The following ZC3H3 variants were observed in gnomAD, a reference collection of about 807,000 sequenced individuals.
ZC3H3 encodes zinc finger CCCH-type containing 3, also known as zinc finger CCCH domain-containing protein 3.
In ZC3H3, 36 loss-of-function variants were observed where a neutral mutation model predicts 77.3. The observed-to-expected ratio is 0.47, with a 90% CI of 0.36 to 0.61. The LOEUF (loss-of-function observed/expected upper bound fraction) is 0.61, where lower values mean the gene tolerates loss of function less well. ZC3H3 is among the 20% of genes least tolerant of loss of function. ZC3H3 has a pLI of 0.00. For synonymous variants in ZC3H3, 626 were observed against 555.2 expected (o/e 1.13, Z -1.79); for missense variants, 1,331 against 1,312.2 (o/e 1.01, Z -0.22).
At chr8:143,451,643 G>A (rs1219335371) in intron 9 of ZC3H3, among the ~76,000 whole-genome samples, 1 of 152,032 alleles carries the variant, frequency 6.6e-6, no homozygotes, top group African/African-American at 2.4e-5. Flanking sequence ...AATTAGCCTT[G>A]CATGGTGGTG....
At chr8:143,509,916 G>A (rs1039418235) in intron 3 of ZC3H3, among the ~76,000 whole-genome samples, 7 of 152,198 alleles carry the variant, frequency 4.6e-5, no homozygotes, top group Middle Eastern at 3.4e-3. Context: ...ACCAGAGCTC[G>A]CCCTCCCTCC....
chr8:143,475,884 C>T (rs958058015), intron 4 of ZC3H3, among the ~76,000 whole-genome samples: 5 of 152,170 alleles, frequency 3.3e-5, no homozygotes, highest in Non-Finnish European at 5.9e-5. Context: ...GGAACTCATG[C>T]GCCCCTAGAA....
At chr8:143,499,399 C>T (rs1472693274) in intron 4 of ZC3H3, among the ~76,000 whole-genome samples, 1 of 152,088 alleles carries the variant, frequency 6.6e-6, no homozygotes, top group South Asian at 2.1e-4. Flanking sequence ...CAGGGCTCCC[C>T]GCCCCCTCTG....
intron 5 of ZC3H3, among the ~76,000 whole-genome samples, chr8:143,474,202 G>C (rs1167595945): frequency 1.3e-5 from 2 of 152,272 alleles, no homozygotes; most frequent in African/African-American, 4.8e-5. Context: ...ACACACAGGG[G>C]TGACACAGTG....
At chr8:143,451,254 G>A (rs752148577) in intron 9 of ZC3H3, among the ~76,000 whole-genome samples, 1 of 152,132 alleles carries the variant, frequency 6.6e-6, no homozygotes, top group Non-Finnish European at 1.5e-5. Flanking sequence ...AGCAATGACA[G>A]AAGTCAATGA....
At chr8:143,483,396 C>G (rs1820961713) in intron 4 of ZC3H3, among the ~76,000 whole-genome samples, 1 of 152,328 alleles carries the variant, frequency 6.6e-6, no homozygotes. Context: ...CTACATGGGG[C>G]CCTTGGCTGG....
chr8:143,505,419 G>A (rs542333578), intron 4 of ZC3H3, among the ~76,000 whole-genome samples: 1 of 152,340 alleles, frequency 6.6e-6, no homozygotes, highest in East Asian at 1.9e-4. Flanking sequence ...CCGAGCCCAG[G>A]CACGCAAACA....
intron 9 of ZC3H3, among the ~76,000 whole-genome samples, chr8:143,446,507 C>T (rs1266050250): frequency 2.0e-5 from 3 of 152,124 alleles, no homozygotes; most frequent in African/African-American, 7.2e-5. Flanking sequence ...ACACCCTCAC[C>T]CTCACCAAAA....
In ZC3H3 at chr8:143,460,966, G is replaced by A. The variant is rs1037843358; in HGVS notation, c.2307+4751C>T. Among the ~76,000 whole-genome samples, 1 of 152,194 alleles carries A rather than the reference G, an allele frequency of 6.6e-6. No homozygotes were observed. Among genetic ancestry groups the A allele is most frequent in the African/African-American group, 2.4e-5 (1 of 41,440 alleles). ...ACTAGGGTTTGGGAAGCGGGGAGTGGAGAGTCATTGCTGAATACTCAGTGT... is the reference window on the plus strand; with the variant it reads ...ACTAGGGTTTGGGAAGCGGGGAGTGAAGAGTCATTGCTGAATACTCAGTGT... On this transcript the variant is annotated intron_variant, in intron 9 of 11. Coordinates refer to ENST00000262577, the MANE Select transcript of ZC3H3 (RefSeq NM_015117.3). The surrounding 1 kb of genome is among the most constrained non-coding windows in gnomAD (Gnocchi z 4.0).
chr8:143,441,038 T>C lies in ZC3H3; in HGVS notation c.2390A>G (p.His797Arg). 6.7e-7 allele frequency: 1 copy of C among 1,486,214 alleles called. No individual in the cohort carries two copies. 92.1% of individuals were successfully genotyped at this position (1,486,214 alleles called of 1,614,324 possible). A position where few individuals can be genotyped will look rare whatever the true frequency, so the allele number is the denominator to read the frequency against. Residue 797 changes from histidine to arginine, a missense_variant, in exon 10 of 12, where the codon CAC becomes CGC. Physicochemically the swap from His to Arg is conservative, Grantham distance 29 (BLOSUM62 0). Coordinates refer to ENST00000262577, the MANE Select transcript of ZC3H3 (RefSeq NM_015117.3). ...CCGACTGTGGCGTTTCTGGGTACGG[T>C]GGAGCAGCTGGCACTGGGCGCCGCG... ...CPRGAQCQLL[H>R]RTQKRHSRRA... is the part of the protein sequence containing the mutation.
rs950301331 is a variant in ZC3H3, at chr8:143,462,281, G to A, written c.2307+3436C>T. 2.6e-5 allele frequency among the ~76,000 whole-genome samples: 4 copies of A among 152,184 alleles called. No homozygotes were observed. Among genetic ancestry groups the A allele is most frequent in the Admixed American group, 6.5e-5 (1 of 15,290 alleles). ...AGGAAGTAACCGTGCAGGGACAAGC[G>A]ACACCCACAGCTGCCTCTTGAGCCA... is the stretch of plus-strand genomic sequence containing the variant. On this transcript the variant is annotated intron_variant, in intron 9 of 11. Coordinates refer to ENST00000262577, the MANE Select transcript of ZC3H3 (RefSeq NM_015117.3). The surrounding 1 kb of genome is among the most constrained non-coding windows in gnomAD (Gnocchi z 4.7).
intron 8 of ZC3H3, among the ~76,000 whole-genome samples, chr8:143,467,362 C>T (rs540587477): frequency 1.3e-5 from 2 of 152,312 alleles, no homozygotes; most frequent in East Asian, 3.9e-4. Context: ...TGGTGCGGGG[C>T]GTCCACATTA....
At chr8:143,441,830 G>A (rs899059857) in intron 9 of ZC3H3, among the ~76,000 whole-genome samples, 3 of 152,166 alleles carry the variant, frequency 2.0e-5, no homozygotes, top group Admixed American at 6.5e-5. Flanking sequence ...CAGCCCAGCT[G>A]CCTGCCTGCC....
chr8:143,498,334 C>T (rs1421124074), intron 4 of ZC3H3, among the ~76,000 whole-genome samples: 1 of 152,232 alleles, frequency 6.6e-6, no homozygotes, highest in Non-Finnish European at 1.5e-5. Context: ...GCTGAGCCTT[C>T]CTGCCCTTCT....
Position 143,473,132 on chromosome 8 carries a change from C to T in ZC3H3, c.1903+2266G>A, listed in dbSNP as rs114967615. ...TAATTATCAACCTCAGTCAGTACTACTATCGTGACTACCGGGAGCTTTCTG... is the reference window on the plus strand; with the variant it reads ...TAATTATCAACCTCAGTCAGTACTATTATCGTGACTACCGGGAGCTTTCTG... On this transcript the variant is annotated intron_variant, in intron 5 of 11. Coordinates refer to ENST00000262577, the MANE Select transcript of ZC3H3 (RefSeq NM_015117.3). Among the ~76,000 whole-genome samples the T allele has an allele frequency of 8.5e-3, 1,299 of 152,320 alleles. 16 individuals carry two copies. The highest frequency in any genetic ancestry group is 0.029 in the African/African-American group (1,222 of 41,564).
intron 9 of ZC3H3, among the ~76,000 whole-genome samples, chr8:143,444,984 A>T (rs1819830813): frequency 6.6e-6 from 1 of 152,232 alleles, no homozygotes; most frequent in Non-Finnish European, 1.5e-5. Context: ...CTGGAGATAA[A>T]ATCTATATAA....
chr8:143,472,485 C>G (rs1820596288), intron 5 of ZC3H3, among the ~76,000 whole-genome samples: 1 of 152,218 alleles, frequency 6.6e-6, no homozygotes, highest in South Asian at 2.1e-4. Flanking sequence ...TGTGCAGCCC[C>G]TCCCTCTCCT....
intron 5 of ZC3H3, among the ~76,000 whole-genome samples, chr8:143,474,504 C>G (rs2129902650): frequency 6.6e-6 from 1 of 152,334 alleles, no homozygotes; most frequent in East Asian, 1.9e-4. Context: ...CCCCTGGAGC[C>G]CAGAGATGGA....
At chr8:143,539,718 C>T (rs1222658774) in intron 1 of ZC3H3, among the ~76,000 whole-genome samples, 2 of 152,204 alleles carry the variant, frequency 1.3e-5, no homozygotes, top group Non-Finnish European at 2.9e-5. Flanking sequence ...GCCGCACAGG[C>T]CCTCTGGCTT....
Sources: gnomAD v4.1 joint callset for allele counts (sites outside exome capture counted in the v4.1 genomes callset) on GRCh38, gnomAD v4.1.1 for gene constraint, Gnocchi (gnomAD v3.1) non-coding constraint, MANE v1.5 for transcripts, NCBI Gene and HGNC (gene_info 2026-07-23, HGNC 2026-07-21) for gene names.